Variants in DCAF8L2 observed in about 807,000 individuals in gnomAD.
DCAF8L2 encodes DDB1 and CUL4 associated factor 8 like 2, also known as DDB1- and CUL4-associated factor 8-like protein 2.
For missense variants in DCAF8L2, 430 were observed against 490.7 expected, an observed-to-expected ratio of 0.88 and a Z score of 1.17; for synonymous variants, 200 against 190.9, an observed-to-expected ratio of 1.05 and a Z score of -0.39.
At chrX:27,648,674 A>G (rs746477362) in intron 2 of DCAF8L2, among the ~76,000 whole-genome samples, 3 of 110,724 alleles carry the variant, frequency 2.7e-5, no homozygotes, top group Non-Finnish European at 3.8e-5. Context: ...AATTTTCACA[A>G]TCTGTCTTTT....
chrX:27,504,181 G>A, the DCAF8L2 span, among the ~76,000 whole-genome samples: 1 of 112,221 alleles, frequency 8.9e-6, no homozygotes. Flanking sequence ...AAACGATTTG[G>A]TTATCTCTTT....
the DCAF8L2 span, among the ~76,000 whole-genome samples, chrX:27,475,112 T>C: frequency 9.0e-6 from 1 of 111,450 alleles, no homozygotes; most frequent in South Asian, 3.8e-4. Flanking sequence ...TCAAGTCACT[T>C]GATTTCACTT....
chrX:27,720,753 A>G (rs893326553), intron 4 of DCAF8L2, among the ~76,000 whole-genome samples: 8 of 112,054 alleles, frequency 7.1e-5, no homozygotes, highest in Middle Eastern at 4.8e-3. Context: ...GATCAATTTG[A>G]GAAGAACTGA....
At position 27,747,838 on chromosome X, in the gene DCAF8L2, G is replaced by A; in HGVS notation, c.943G>A (p.Ala315Thr). The change falls in exon 5 of 5, where the codon GCC becomes ACC. Residue 315 changes from alanine to threonine, a missense_variant. Physicochemically the swap from Ala to Thr is moderately conservative, Grantham distance 58. Transcript: ENST00000451261. ...ATATTTCAACAATACTAAGTGTGTG[G>A]CCCAGCACAGGGGACCTGCCCACAA... ...ASYFNNTKCV[A>T]QHRGPAHKLA... 8 of 1,209,567 alleles carry A rather than the reference G, an allele frequency of 6.6e-6. No individual in the cohort carries two copies. Among genetic ancestry groups the A allele is most frequent in the Non-Finnish European group, 7.8e-6 (7 of 894,127 alleles).
At chrX:27,517,433 T>G in the DCAF8L2 span, among the ~76,000 whole-genome samples, 1 of 109,226 alleles carries the variant, frequency 9.2e-6, no homozygotes. Context: ...ATTTAAAATG[T>G]GCATAGAACT....
At chrX:27,471,496 G>A in the DCAF8L2 span, among the ~76,000 whole-genome samples, 3 of 110,678 alleles carry the variant, frequency 2.7e-5, no homozygotes, top group Non-Finnish European at 3.8e-5. Flanking sequence ...ACTGTCCTTC[G>A]TGCATATCTT....
At chrX:27,572,333 A>G in the DCAF8L2 span, among the ~76,000 whole-genome samples, 2 of 111,614 alleles carry the variant, frequency 1.8e-5, no homozygotes, top group South Asian at 7.6e-4. Context: ...TAGCTCAGCC[A>G]GGGACACCGG....
At chrX:27,629,987 TC>T (rs1402086949) in intron 1 of DCAF8L2, among the ~76,000 whole-genome samples, 2 of 111,952 alleles carry the variant, frequency 1.8e-5, no homozygotes, top group African/African-American at 3.2e-5. Context: ...TTTTTATCAA[TC>T]TTTTGTAGTT....
intron 2 of DCAF8L2, among the ~76,000 whole-genome samples, chrX:27,672,375 C>T (rs1488298026): frequency 8.9e-6 from 1 of 111,904 alleles, no homozygotes; most frequent in Non-Finnish European, 1.9e-5. Flanking sequence ...TTTTCCCTGG[C>T]TTGCCATCAG....
chrX:27,516,217 T>A, the DCAF8L2 span, among the ~76,000 whole-genome samples: 1 of 111,369 alleles, frequency 9.0e-6, no homozygotes, highest in Non-Finnish European at 1.9e-5. Flanking sequence ...TTAGAACATG[T>A]GAATATTAGA....
intron 2 of DCAF8L2, among the ~76,000 whole-genome samples, chrX:27,658,929 G>A (rs1158004940): frequency 8.9e-6 from 1 of 111,880 alleles, no homozygotes; most frequent in African/African-American, 3.2e-5. Flanking sequence ...TTAACTGATG[G>A]ATTAAAATGT....
chrX:27,480,501 C>T, the DCAF8L2 span, among the ~76,000 whole-genome samples: 5 of 111,806 alleles, frequency 4.5e-5, no homozygotes, highest in African/African-American at 1.6e-4. Flanking sequence ...CAGAGACAGG[C>T]CAGGATAATT....
At chrX:27,504,850 T>G in the DCAF8L2 span, among the ~76,000 whole-genome samples, 1 of 111,493 alleles carries the variant, frequency 9.0e-6, no homozygotes, top group Non-Finnish European at 1.9e-5. Flanking sequence ...TGATTCTATC[T>G]CTTTACACCT....
the DCAF8L2 span, among the ~76,000 whole-genome samples, chrX:27,535,262 G>A: frequency 9.0e-6 from 1 of 111,713 alleles, no homozygotes; most frequent in Non-Finnish European, 1.9e-5. Flanking sequence ...ACAATTAGAT[G>A]TAAGTCATCT....
chrX:27,569,928 A>G, the DCAF8L2 span, among the ~76,000 whole-genome samples: 1 of 112,127 alleles, frequency 8.9e-6, no homozygotes. Context: ...TATAAGGATT[A>G]AAGTATAATG....
chrX:27,703,021 C>T (rs916458757), intron 3 of DCAF8L2, among the ~76,000 whole-genome samples: 2 of 111,227 alleles, frequency 1.8e-5, no homozygotes, highest in Admixed American at 1.9e-4. Context: ...AACCAATACA[C>T]AAATATCAAT....
chrX:27,474,537 T>C, the DCAF8L2 span, among the ~76,000 whole-genome samples: 1 of 111,747 alleles, frequency 8.9e-6, no homozygotes, highest in East Asian at 2.8e-4. Flanking sequence ...GGCCTCAATT[T>C]CTACATCTTT....
intron 2 of DCAF8L2, among the ~76,000 whole-genome samples, chrX:27,657,705 T>C (rs757873330): frequency 5.3e-5 from 6 of 112,167 alleles, no homozygotes; most frequent in Non-Finnish European, 7.5e-5. Context: ...AGAATAAGGA[T>C]AATGTCCTCA....
At chrX:27,490,380 T>C in the DCAF8L2 span, among the ~76,000 whole-genome samples, 2 of 112,338 alleles carry the variant, frequency 1.8e-5, no homozygotes, top group Admixed American at 1.9e-4. Context: ...AGTGTAGTTG[T>C]GTTACATGGA....
Sources: gnomAD v4.1 joint callset for allele counts (sites outside exome capture counted in the v4.1 genomes callset) on GRCh38, gnomAD v4.1.1 for gene constraint, MANE v1.5 for transcripts, NCBI Gene and HGNC (gene_info 2026-07-23, HGNC 2026-07-21) for gene names.